The following FGD4 variants were observed in gnomAD, a reference collection of about 807,000 sequenced individuals.
FGD4 encodes the protein FYVE, RhoGEF and PH domain-containing protein 4.
FGD4 carries 42 observed loss-of-function variants against 102.0 expected under a neutral mutation model. The ratio of observed to expected loss-of-function variants is 0.41; its 90% confidence interval spans 0.32 to 0.53. The LOEUF is 0.53. Among genes scored for constraint, FGD4 ranks in the 20% least tolerant of loss-of-function variants. FGD4 has a pLI of 0.21. For synonymous variants in FGD4, 380 were observed against 375.7 expected (o/e 1.01, Z -0.13); for missense variants, 902 against 1,078.2 (o/e 0.84, Z 2.29).
intron 1 of FGD4, among the ~76,000 whole-genome samples, chr12:32,425,185 T>G (rs1941787762): frequency 6.6e-6 from 1 of 152,236 alleles, no homozygotes; most frequent in Non-Finnish European, 1.5e-5. Context: ...GGTTTTCTTC[T>G]AGGGCTTTTA....
chr12:32,624,314 C>A, intron 11 of FGD4, 108 bp from the exon 12 acceptor site: 1 of 845,788 alleles, frequency 1.2e-6, no homozygotes, highest in Non-Finnish European at 1.9e-6. Flanking sequence ...CCTTCCATAA[C>A]ATCCCTGAAT....
At chr12:32,561,106 T>C (rs1944544334) in intron 1 of FGD4, among the ~76,000 whole-genome samples, 1 of 124,190 alleles carries the variant, frequency 8.1e-6, no homozygotes, top group Non-Finnish European at 1.6e-5. Context: ...TTTTTTGAGA[T>C]GGAGTTTCAC....
Position 32,576,335 on chromosome 12 carries a change from C to CTTTA in FGD4, c.390_393dup (p.Pro132PhefsTer3). 6.2e-7 allele frequency: 1 copy of CTTTA among 1,614,080 alleles called. No homozygotes were observed. The highest frequency in any genetic ancestry group is 2.2e-5 in the East Asian group (1 of 44,874). On this transcript the variant is annotated frameshift_variant, in exon 3 of 17. Transcript: ENST00000534526. LOFTEE classifies it high-confidence loss of function. ...ATACACCAAACCCCCAGGCATAAAG[C>CTTTA]TTTACCTAGTGCAAAACCAAGGATG...
intron 2 of FGD4, among the ~76,000 whole-genome samples, chr12:32,575,991 CT>C (rs1665662170): frequency 6.6e-6 from 1 of 152,070 alleles, no homozygotes. Context: ...ATGCTTTAGC[CT>C]TATGTGGATT....
chr12:32,620,082 A>G (rs1318301698), intron 11 of FGD4, among the ~76,000 whole-genome samples: 1 of 152,186 alleles, frequency 6.6e-6, no homozygotes, highest in African/African-American at 2.4e-5. Context: ...AGTGGTTTGT[A>G]GACAATAAGC....
intron 1 of FGD4, among the ~76,000 whole-genome samples, chr12:32,540,249 G>A (rs1248885952): frequency 1.3e-5 from 2 of 152,172 alleles, no homozygotes; most frequent in African/African-American, 4.8e-5. Flanking sequence ...TATGAGAAAT[G>A]TCATAGGAGA....
chr12:32,520,422 TG>T (rs1940383091), intron 1 of FGD4, among the ~76,000 whole-genome samples: 1 of 128,158 alleles, frequency 7.8e-6, no homozygotes, highest in Admixed American at 7.7e-5. Context: ...AGTTCTATTG[TG>T]GGTTTTTTTG....
chr12:32,622,914 G>A (rs1949932985), intron 11 of FGD4, among the ~76,000 whole-genome samples: 1 of 152,104 alleles, frequency 6.6e-6, no homozygotes. Context: ...TTTAAGAATG[G>A]GACAAACTGA....
chr12:32,482,570 C>G (rs149081498), intron 1 of FGD4, among the ~76,000 whole-genome samples: 5 of 152,248 alleles, frequency 3.3e-5, no homozygotes, highest in Admixed American at 3.3e-4. Flanking sequence ...ATATGTTACT[C>G]TAAAATGATC....
chr12:32,624,877 T>G, intron 12 of FGD4, 99 bp from the exon 13 acceptor site: 1 of 1,041,024 alleles, frequency 9.6e-7, no homozygotes, highest in Non-Finnish European at 1.5e-6. Flanking sequence ...CACTTAATTT[T>G]CAAAGTGATT....
chr12:32,478,272 T>G (rs1454960200), intron 1 of FGD4, among the ~76,000 whole-genome samples: 1 of 152,202 alleles, frequency 6.6e-6, no homozygotes, highest in Admixed American at 6.5e-5. Context: ...TGTGATTGTG[T>G]TTTTTAATGA....
Position 32,642,540 on chromosome 12 carries a change from C to T in FGD4, c.*2007C>T, listed in dbSNP as rs1346792616. On this transcript the variant is annotated 3_prime_UTR_variant, in exon 17 of 17. Transcript: ENST00000534526. Reference sequence around the variant, plus strand: ...TAAAAGCAAGAAGACTACACTTTCCCTACCAAAACAGAAGTAACATGGACA... The same window carrying T: ...TAAAAGCAAGAAGACTACACTTTCCTTACCAAAACAGAAGTAACATGGACA... 6.6e-6 allele frequency: 1 copy of T among 152,056 alleles called. No individual in the cohort carries two copies. Among genetic ancestry groups the T allele is most frequent in the Non-Finnish European group, 1.5e-5 (1 of 67,952 alleles). 9.4% of individuals were successfully genotyped at this position (152,056 alleles called of 1,614,324 possible).
chr12:32,459,686 A>C (rs1240857565), intron 1 of FGD4, among the ~76,000 whole-genome samples: 5 of 152,062 alleles, frequency 3.3e-5, no homozygotes, highest in Admixed American at 3.3e-4. Flanking sequence ...AGTGTTTACA[A>C]GTAGATTTTC....
At position 32,597,399 on chromosome 12, in the gene FGD4, A is replaced by G. The variant is rs115569763; in HGVS notation, c.1012-1098A>G. 5.3e-3 allele frequency among the ~76,000 whole-genome samples: 800 copies of G among 152,310 alleles called. 7 individuals are homozygous for G. Among genetic ancestry groups the G allele is most frequent in the African/African-American group, 0.018 (741 of 41,556 alleles). ...GGTAGAGAAATAAGTTTAATTCAAG[A>G]TTCCAAAGCCAGATAATTGTACCAT... is the stretch of plus-strand genomic sequence containing the variant. On this transcript the variant is annotated intron_variant, in intron 4 of 16. Transcript: ENST00000534526.
rs1370876154 is a variant in FGD4, at chr12:32,500,583, G to T, written c.167-63554G>T. 1.3e-5 allele frequency among the ~76,000 whole-genome samples: 2 copies of T among 151,736 alleles called. 1 individual carries two copies. Among genetic ancestry groups the T allele is most frequent in the Middle Eastern group, 6.8e-3 (2 of 292 alleles). The stretch of plus-strand genomic sequence containing the variant: ...CTAGTAGCTGGGACTACAGGCGCCC[G>T]CCACCATGCCCGGCTAATTTTTGTA... On this transcript the variant is annotated intron_variant, in intron 1 of 16. Transcript: ENST00000534526.
At chr12:32,405,091 A>G (rs2651370) in intron 1 of FGD4, among the ~76,000 whole-genome samples, 104,423 of 151,142 alleles carry the variant, frequency 0.69, 36,814 homozygotes, top group African/African-American at 0.84. Context: ...CTGCCACCAC[A>G]CCCGGCTAAT....
chr12:32,633,449 T>C (rs1004486807), intron 14 of FGD4, 100 bp from the exon 15 acceptor site: 3 of 1,317,866 alleles, frequency 2.3e-6, no homozygotes, highest in Non-Finnish European at 3.2e-6. Context: ...ATCTGCCTTC[T>C]ATGCTTAACA....
At chr12:32,443,782 A>G (rs1023591235) in intron 1 of FGD4, among the ~76,000 whole-genome samples, 2 of 151,506 alleles carry the variant, frequency 1.3e-5, no homozygotes, top group Non-Finnish European at 2.9e-5. Context: ...TCTTTAAAAA[A>G]AAAAAGCCAG....
rs1404047706 is a variant in FGD4 at position 32,544,552 on chromosome 12, T to A, written c.167-19585T>A. 6.6e-6 allele frequency among the ~76,000 whole-genome samples: 1 copy of A among 150,676 alleles called. No individual in the cohort carries two copies. Among genetic ancestry groups the A allele is most frequent in the African/African-American group, 2.4e-5 (1 of 40,892 alleles). On this transcript the variant is annotated intron_variant, in intron 1 of 16. Coordinates refer to ENST00000534526, the MANE Select transcript of FGD4 (RefSeq NM_001370298.3). The surrounding 1 kb of genome is among the most constrained non-coding windows in gnomAD (Gnocchi z 4.1). ...TTTGAGACCAGCCTGGTCAGTATGGTGAAATCCCGTCTCTACAAAAAAATA... is the reference window on the plus strand; with the variant it reads ...TTTGAGACCAGCCTGGTCAGTATGGAGAAATCCCGTCTCTACAAAAAAATA...
Sources: allele counts gnomAD v4.1 joint callset (sites outside exome capture counted in the v4.1 genomes callset), GRCh38; gene constraint gnomAD v4.1.1; non-coding constraint Gnocchi (gnomAD v3.1); transcripts MANE v1.5; gene names NCBI Gene and HGNC (gene_info 2026-07-23, HGNC 2026-07-21).